The following OGDH variants were observed in gnomAD, a reference collection of about 807,000 sequenced individuals.
OGDH encodes 2-oxoglutarate dehydrogenase complex component E1.
A neutral mutation model predicts 116.6 loss-of-function variants in OGDH; 38 were observed. The ratio of observed to expected loss-of-function variants is 0.33; its 90% CI spans 0.25 to 0.43. The LOEUF is 0.43. Ranked by LOEUF, OGDH falls within the 20% of genes least tolerant of loss-of-function variation. The pLI is 1.00. For missense variants in OGDH, 825 were observed against 1,357.2 expected, an observed-to-expected ratio of 0.61 and a Z score of 6.16; for synonymous variants, 488 against 533.3, an observed-to-expected ratio of 0.92 and a Z score of 1.17.
chr7:44,659,231 A>G (rs1786830230), intron 4 of OGDH, among the ~76,000 whole-genome samples: 1 of 152,110 alleles, frequency 6.6e-6, no homozygotes. Context: ...AGTTTTGATT[A>G]TTCAACCAGC....
chr7:44,616,086 G>C (rs927814773), intron 1 of OGDH, among the ~76,000 whole-genome samples: 16 of 151,680 alleles, frequency 1.1e-4, no homozygotes, highest in Non-Finnish European at 1.2e-4. Context: ...TTCCTAGCCA[G>C]TCTGCTTCCT....
intron 20 of OGDH, among the ~76,000 whole-genome samples, chr7:44,703,872 C>CGAAA (rs1458823734): frequency 6.6e-6 from 1 of 150,568 alleles, no homozygotes; most frequent in African/African-American, 2.5e-5. Context: ...ACAACAAGAG[C>CGAAA]GAAACTCCGT....
At chr7:44,630,026 C>T (rs1785371846) in intron 2 of OGDH, among the ~76,000 whole-genome samples, 1 of 152,174 alleles carries the variant, frequency 6.6e-6, no homozygotes, top group Non-Finnish European at 1.5e-5. Flanking sequence ...AGTCTGGCAT[C>T]GCTGCTCATC....
chr7:44,647,682 T>C lies in OGDH; in HGVS notation c.440T>C (p.Leu147Pro). Residue 147 changes from leucine to proline, a missense_variant, in exon 4 of 23, where the codon CTG becomes CCG. Coordinates refer to ENST00000222673, the MANE Select transcript of OGDH (RefSeq NM_002541.4). ...YQIRGHHVAQ[L>P]DPLGILDADL... ...ATACGAGGGCACCATGTAGCACAGC[T>C]GGACCCCCTGGGGATTTTGGATGCT... The C allele has an allele frequency of 6.2e-7, 1 of 1,614,098 alleles. No homozygotes were observed. Among genetic ancestry groups the C allele is most frequent in the Non-Finnish European group, 8.5e-7 (1 of 1,179,978 alleles).
chr7:44,636,934 G>A (rs144115567), intron 2 of OGDH, among the ~76,000 whole-genome samples: 2 of 152,154 alleles, frequency 1.3e-5, no homozygotes, highest in South Asian at 2.1e-4. Context: ...AGTGGGGTGG[G>A]GGGGCACACA....
chr7:44,680,223 AAAAG>A (rs1787869851), intron 9 of OGDH, among the ~76,000 whole-genome samples: 1 of 152,132 alleles, frequency 6.6e-6, no homozygotes, highest in African/African-American at 2.4e-5. Flanking sequence ...AAAAAAAAGA[AAAAG>A]AAGAAAAGAA....
intron 1 of OGDH, among the ~76,000 whole-genome samples, chr7:44,614,980 G>A (rs917625660): frequency 1.3e-5 from 2 of 151,890 alleles, no homozygotes; most frequent in Non-Finnish European, 2.9e-5. Context: ...ACAGGCATGT[G>A]CCACCATGCC....
At chr7:44,680,938 G>A (rs555040188) in intron 9 of OGDH, among the ~76,000 whole-genome samples, 6 of 152,154 alleles carry the variant, frequency 3.9e-5, no homozygotes, top group East Asian at 1.9e-4. Context: ...GCAACCTGTC[G>A]AATAAAATAG....
chr7:44,629,650 G>C (rs1246720307), intron 2 of OGDH, among the ~76,000 whole-genome samples: 2 of 148,678 alleles, frequency 1.3e-5, no homozygotes, highest in Non-Finnish European at 3.0e-5. Flanking sequence ...CGCAGTCTCG[G>C]CTCTCTGCAA....
intron 2 of OGDH, among the ~76,000 whole-genome samples, chr7:44,639,489 C>T (rs548294568): frequency 6.6e-6 from 1 of 152,184 alleles, no homozygotes; most frequent in Non-Finnish European, 1.5e-5. Flanking sequence ...TAATGACCTT[C>T]ATTTTCAAAG....
At chr7:44,691,981 T>TTAAAAAA (rs1228471357) in intron 10 of OGDH, among the ~76,000 whole-genome samples, 1 of 102,608 alleles carries the variant, frequency 9.7e-6, no homozygotes, top group East Asian at 3.2e-4. Flanking sequence ...GACTCTGTCT[T>TTAAAAAA]AAAAAAAAAA....
At chr7:44,616,142 C>T (rs756914831) in intron 1 of OGDH, among the ~76,000 whole-genome samples, 1 of 152,160 alleles carries the variant, frequency 6.6e-6, no homozygotes, top group Non-Finnish European at 1.5e-5. Context: ...TGTAACGCCT[C>T]ATGTTTTTAG....
At position 44,707,280 on chromosome 7, in the gene OGDH, A is replaced by G. The variant is rs372088252; in HGVS notation, c.2688A>G (p.Glu896=). The G allele has an allele frequency of 2.5e-6, 4 of 1,614,122 alleles. No individual in the cohort carries two copies. In the African/African-American group the frequency reaches 5.3e-5, roughly 22 times the overall value. Residue 896 remains glutamate, a synonymous_variant, in exon 21 of 23, where the codon GAA becomes GAG. Transcript: ENST00000222673. The surrounding 1 kb of genome is among the most constrained non-coding windows in gnomAD (Gnocchi z 5.2). ...ATGGCCCTGCAGCTCAGAACCCAGAAAATGTCAAAAGGCTTCTCTTCTGCA... is the reference window on the plus strand; with the variant it reads ...ATGGCCCTGCAGCTCAGAACCCAGAGAATGTCAAAAGGCTTCTCTTCTGCA... ...PEDGPAAQNP[E]NVKRLLFCTG... is the part of the protein sequence containing the mutation.
At position 44,675,287 on chromosome 7, in the gene OGDH, G is replaced by C; in HGVS notation, c.1026+19G>C. 6.2e-7 allele frequency: 1 copy of C among 1,603,660 alleles called. No individual in the cohort carries two copies. The highest frequency in any genetic ancestry group is 8.5e-7 in the Non-Finnish European group (1 of 1,170,980). ...TGATGAGGTGAGGCACCTGCATAGA[G>C]ACACATCCAGCATAGCCCCAACTTA... On this transcript the variant is annotated intron_variant, in intron 8 of 22. Transcript: ENST00000222673.
intron 9 of OGDH, among the ~76,000 whole-genome samples, chr7:44,677,321 G>A (rs532052196): frequency 1.3e-5 from 2 of 152,294 alleles, no homozygotes; most frequent in South Asian, 2.1e-4. Flanking sequence ...GGAGTTAGCC[G>A]TGAAGAGCTT....
intron 4 of OGDH, among the ~76,000 whole-genome samples, chr7:44,653,632 TCTC>T (rs951949227): frequency 1.3e-5 from 2 of 151,792 alleles, no homozygotes; most frequent in Non-Finnish European, 2.9e-5. Context: ...TTCAACCAAT[TCTC>T]CTGCCTTAGC....
intron 2 of OGDH, among the ~76,000 whole-genome samples, chr7:44,638,841 G>T (rs1426384808): frequency 6.6e-6 from 1 of 152,222 alleles, no homozygotes; most frequent in Non-Finnish European, 1.5e-5. Context: ...TCTTCCAGAA[G>T]CTTTCTCTTC....
At chr7:44,678,874 T>G (rs933479293) in intron 9 of OGDH, among the ~76,000 whole-genome samples, 5 of 152,242 alleles carry the variant, frequency 3.3e-5, no homozygotes, top group African/African-American at 1.2e-4. Context: ...ATTACATACT[T>G]TCTGTAAGTG....
intron 5 of OGDH, among the ~76,000 whole-genome samples, chr7:44,672,637 G>GTTTTT (rs1175741464): frequency 7.4e-6 from 1 of 135,848 alleles, no homozygotes; most frequent in African/African-American, 3.0e-5. Context: ...ATTTCTTTTT[G>GTTTTT]TTTTTTGTTT....
Sources: gnomAD v4.1 joint callset for allele counts (sites outside exome capture counted in the v4.1 genomes callset) on GRCh38, gnomAD v4.1.1 for gene constraint, Gnocchi (gnomAD v3.1) non-coding constraint, MANE v1.5 for transcripts, NCBI Gene and HGNC (gene_info 2026-07-23, HGNC 2026-07-21) for gene names.